SLC24A2: variants seen among roughly 807,000 people sequenced by gnomAD.
SLC24A2 encodes the protein solute carrier family 24 member 2.
Under a neutral mutation model 62.0 loss-of-function variants are expected in SLC24A2, and 36 were observed. The ratio of observed to expected loss-of-function variants is 0.58; its 90% CI spans 0.44 to 0.77. The LOEUF (loss-of-function observed/expected upper bound fraction) is 0.77, where lower values mean the gene tolerates loss of function less well. Among genes scored for constraint, SLC24A2 ranks in the 30% least tolerant of loss-of-function variants. The probability of loss-of-function intolerance (pLI) is 0.00; values close to 1 mark genes in which losing one functional copy is unlikely to be tolerated. For synonymous variants in SLC24A2, 358 were observed against 294.0 expected, an observed-to-expected ratio of 1.22 and a Z score of -2.23; for missense variants, 846 against 817.9, an observed-to-expected ratio of 1.03 and a Z score of -0.42.
chr9:19,961,500 T>C, the SLC24A2 span, among the ~76,000 whole-genome samples: 126 of 152,278 alleles, frequency 8.3e-4, no homozygotes, highest in Admixed American at 2.5e-3. Context: ...GGAAAGTAAG[T>C]TTCATCCTTT....
chr9:19,568,879 GAAGT>G (rs528368688), intron 7 of SLC24A2, among the ~76,000 whole-genome samples: 562 of 152,268 alleles, frequency 3.7e-3, no homozygotes, highest in Middle Eastern at 0.014. Context: ...CCCTGTTCTG[GAAGT>G]AAGTAACATG....
chr9:19,836,611 A>G, the SLC24A2 span, among the ~76,000 whole-genome samples: 2 of 152,352 alleles, frequency 1.3e-5, no homozygotes, highest in South Asian at 2.1e-4. Context: ...AAAAAAGTCC[A>G]GGACCAGATG....
At chr9:19,943,602 A>G in the SLC24A2 span, among the ~76,000 whole-genome samples, 2 of 152,168 alleles carry the variant, frequency 1.3e-5, no homozygotes, top group African/African-American at 4.8e-5. Flanking sequence ...TCAAGAGTGC[A>G]TTTGTGTCTC....
intron 5 of SLC24A2, 51 bp from the exon 6 acceptor site, chr9:19,577,073 T>C (rs1586987424): frequency 6.8e-7 from 1 of 1,465,342 alleles, no homozygotes; most frequent in South Asian, 1.1e-5. Context: ...AAGAAGAGAG[T>C]CTCAGGGCCA....
chr9:19,724,829 G>A (rs1587223180), intron 2 of SLC24A2, among the ~76,000 whole-genome samples: 1 of 152,056 alleles, frequency 6.6e-6, no homozygotes, highest in Non-Finnish European at 1.5e-5. Context: ...AAACCAATAA[G>A]GCGTATTTCA....
At chr9:19,791,651 A>G (rs1823321863), upstream of SLC24A2, among the ~76,000 whole-genome samples, 1 of 152,232 alleles carries the variant, frequency 6.6e-6, no homozygotes, top group Admixed American at 6.5e-5. Context: ...AAATCACACT[A>G]CGTGGAAGCA....
the SLC24A2 span, among the ~76,000 whole-genome samples, chr9:20,192,588 C>G: frequency 1.3e-5 from 2 of 152,116 alleles, 1 homozygote; most frequent in South Asian, 4.1e-4. Flanking sequence ...TATTTTTAAA[C>G]CAGCCTCCAG....
At position 19,516,048 on chromosome 9, in the gene SLC24A2, C is replaced by G; in HGVS notation, c.*105G>C. Reference sequence around the variant, plus strand: ...ATTCACCAAGGAGGGACACTTGGCACCCAGGGCTGTGTGCCAGCTGCCTCT... The same window carrying G: ...ATTCACCAAGGAGGGACACTTGGCAGCCAGGGCTGTGTGCCAGCTGCCTCT... On this transcript the variant is annotated 3_prime_UTR_variant, in exon 11 of 11. Coordinates refer to ENST00000341998, the MANE Select transcript of SLC24A2 (RefSeq NM_020344.4). 3 of 1,427,214 alleles carry G rather than the reference C, an allele frequency of 2.1e-6. No individual in the cohort carries two copies. Among genetic ancestry groups the G allele is most frequent in the African/African-American group, 1.4e-5 (1 of 71,164 alleles). 88.4% of individuals were successfully genotyped at this position (1,427,214 alleles called of 1,614,324 possible).
At chr9:19,701,978 G>A (rs1229953956) in intron 2 of SLC24A2, among the ~76,000 whole-genome samples, 2 of 152,068 alleles carry the variant, frequency 1.3e-5, no homozygotes, top group Non-Finnish European at 2.9e-5. Context: ...AAGTTACAAG[G>A]TACATAGAGT....
At chr9:19,541,611 C>T (rs1237214961) in intron 8 of SLC24A2, among the ~76,000 whole-genome samples, 1 of 147,720 alleles carries the variant, frequency 6.8e-6, no homozygotes, top group African/African-American at 2.5e-5. Context: ...CTCTTCAAAG[C>T]TGTCAGACAG....
At chr9:20,175,164 C>A in the SLC24A2 span, among the ~76,000 whole-genome samples, 4 of 151,708 alleles carry the variant, frequency 2.6e-5, no homozygotes, top group South Asian at 2.1e-4. Flanking sequence ...TGTTCTCACT[C>A]GTAAGTGGGA....
At chr9:19,587,138 T>C (rs369219438) in intron 5 of SLC24A2, among the ~76,000 whole-genome samples, 2 of 152,176 alleles carry the variant, frequency 1.3e-5, no homozygotes, top group African/African-American at 4.8e-5. Context: ...CATTATTCAT[T>C]TGGGGAGAGC....
At chr9:19,783,164 C>T (rs146492834) in intron 2 of SLC24A2, among the ~76,000 whole-genome samples, 1 of 152,246 alleles carries the variant, frequency 6.6e-6, no homozygotes, top group East Asian at 1.9e-4. Context: ...TTTATATTTG[C>T]CTATGAAGCA....
intron 2 of SLC24A2, among the ~76,000 whole-genome samples, chr9:19,651,376 G>A (rs551474083): frequency 6.6e-6 from 1 of 152,316 alleles, no homozygotes; most frequent in South Asian, 2.1e-4. Context: ...GAAACAGAGA[G>A]AAATTAGACA....
chr9:20,301,024 G>T, the SLC24A2 span, among the ~76,000 whole-genome samples: 1 of 152,080 alleles, frequency 6.6e-6, no homozygotes, highest in Non-Finnish European at 1.5e-5. Flanking sequence ...CCACAAGAAA[G>T]GTCTGGTGAT....
the SLC24A2 span, among the ~76,000 whole-genome samples, chr9:20,051,959 A>G: frequency 6.6e-6 from 1 of 151,900 alleles, no homozygotes. Context: ...CTGGATAATA[A>G]TTGTTTCTAG....
chr9:19,711,649 C>T (rs1029228551), intron 2 of SLC24A2, among the ~76,000 whole-genome samples: 2 of 152,216 alleles, frequency 1.3e-5, no homozygotes, highest in Non-Finnish European at 2.9e-5. Flanking sequence ...AAAATCAAAG[C>T]ACATACCATA....
chr9:19,636,301 T>TC (rs1818319442), intron 2 of SLC24A2, among the ~76,000 whole-genome samples: 1 of 44,352 alleles, frequency 2.3e-5, no homozygotes, highest in Non-Finnish European at 4.4e-5. Flanking sequence ...TTTCTTTTCT[T>TC]TTCTTTTCTT....
chr9:19,544,191 C>G (rs1271009856), intron 8 of SLC24A2, among the ~76,000 whole-genome samples: 4 of 149,624 alleles, frequency 2.7e-5, no homozygotes, highest in Non-Finnish European at 5.9e-5. Context: ...TAATGGCCTT[C>G]TTTCTCTTTT....
Sources: allele counts gnomAD v4.1 joint callset (sites outside exome capture counted in the v4.1 genomes callset), GRCh38; gene constraint gnomAD v4.1.1; transcripts MANE v1.5; gene names NCBI Gene and HGNC (gene_info 2026-07-23, HGNC 2026-07-21).